The following SLC2A9 variants were observed in gnomAD, a reference collection of about 807,000 sequenced individuals.
SLC2A9 encodes the protein solute carrier family 2 member 9, also known as solute carrier family 2, facilitated glucose transporter member 9.
In SLC2A9, 39 loss-of-function variants were observed where a neutral mutation model predicts 50.6. The ratio of observed to expected loss-of-function variants is 0.77; its 90% CI spans 0.60 to 1.01. The LOEUF is 1.01. SLC2A9 is among the 50% of genes least tolerant of loss of function. SLC2A9 has a pLI of 0.00. For synonymous variants in SLC2A9, 324 were observed against 276.9 expected (o/e 1.17, Z -1.69); for missense variants, 686 against 677.6 (o/e 1.01, Z -0.14).
chr4:9,955,141 C>G (rs1425299227), intron 5 of SLC2A9, among the ~76,000 whole-genome samples: 3 of 152,086 alleles, frequency 2.0e-5, no homozygotes, highest in African/African-American at 7.2e-5. Context: ...GCAAACAGCC[C>G]AATCCAAGGG....
chr4:9,876,232 G>A (rs113786837), intron 10 of SLC2A9, among the ~76,000 whole-genome samples: 8 of 152,136 alleles, frequency 5.3e-5, no homozygotes, highest in East Asian at 1.9e-4. Context: ...ACTGTTGTTC[G>A]TCCCAAGGGG....
chr4:9,818,021 T>G (rs960829969), intron 3 of SLC2A9, among the ~76,000 whole-genome samples: 1 of 152,224 alleles, frequency 6.6e-6, no homozygotes, highest in Non-Finnish European at 1.5e-5. Context: ...TTACTTATAG[T>G]TTCCCAAACT....
At chr4:10,008,900 G>GGTTT (rs1553911924) in intron 2 of SLC2A9, among the ~76,000 whole-genome samples, 4 of 134,860 alleles carry the variant, frequency 3.0e-5, no homozygotes, top group African/African-American at 5.5e-5. Context: ...CTGTGCGGTG[G>GGTTT]TTTTTTTTTT....
intron 3 of SLC2A9, among the ~76,000 whole-genome samples, chr4:9,801,505 T>C (rs958518019): frequency 6.6e-6 from 1 of 152,198 alleles, no homozygotes; most frequent in African/African-American, 2.4e-5. Flanking sequence ...GAGAATGCAG[T>C]CAACACTGTA....
At chr4:9,862,353 T>C (rs1456671954) in intron 10 of SLC2A9, among the ~76,000 whole-genome samples, 1 of 152,082 alleles carries the variant, frequency 6.6e-6, no homozygotes, top group African/African-American at 2.4e-5. Context: ...CTTTGTCTTG[T>C]TGCTTCTTTC....
chr4:10,015,164 C>A (rs1352685009), intron 2 of SLC2A9, among the ~76,000 whole-genome samples: 1 of 152,146 alleles, frequency 6.6e-6, no homozygotes, highest in Non-Finnish European at 1.5e-5. Flanking sequence ...CTTGCTCTGT[C>A]TTTTGGTTGG....
intron 3 of SLC2A9, among the ~76,000 whole-genome samples, chr4:9,992,899 G>T (rs537316094): frequency 1.1e-3 from 170 of 152,256 alleles, no homozygotes; most frequent in Non-Finnish European, 1.9e-3. Flanking sequence ...CCTCAGGTGG[G>T]TTTGTTTATC....
chr4:9,835,814 C>T lies in SLC2A9; in HGVS notation c.1292-806G>A, dbSNP rs77233756. ...AGAATGATACAACTGGGGCCAGGCGCGGTGGCTCACACCTGTAATCCCAGC... is the reference window on the plus strand; with the variant it reads ...AGAATGATACAACTGGGGCCAGGCGTGGTGGCTCACACCTGTAATCCCAGC... On this transcript the variant is annotated intron_variant, in intron 10 of 11. Coordinates refer to ENST00000264784, the MANE Select transcript of SLC2A9 (RefSeq NM_020041.3). 3.8e-3 allele frequency among the ~76,000 whole-genome samples: 585 copies of T among 152,100 alleles called. 6 individuals carry two copies. The highest frequency in any genetic ancestry group is 0.014 in the African/African-American group (568 of 41,482).
intron 10 of SLC2A9, among the ~76,000 whole-genome samples, chr4:9,845,211 C>T (rs1186235179): frequency 6.6e-6 from 1 of 151,894 alleles, no homozygotes; most frequent in Non-Finnish European, 1.5e-5. Flanking sequence ...GATGGGGTTT[C>T]ACCGTGTTAG....
rs1330396080 is a variant in SLC2A9 at position 9,980,610 on chromosome 4, C to T, written c.663G>A (p.Leu221=). The T allele has an allele frequency of 1.2e-6, 2 of 1,614,194 alleles. No homozygotes were observed. Among genetic ancestry groups the T allele is most frequent in the Non-Finnish European group, 1.7e-6 (2 of 1,180,026 alleles). ...CACTCACCTTTCCCAGCAGCTCGGG[C>T]AGGCCCAGAAGCTGCCCAGTGAACA... The part of the protein sequence containing the change: ...IGVFTGQLLG[L]PELLGKESTW... The change falls in exon 5 of 12, where the codon CTG becomes CTA. Residue 221 remains leucine, a synonymous_variant. Transcript: ENST00000264784.
chr4:9,789,053 A>G (rs1719578490), intron 3 of SLC2A9, among the ~76,000 whole-genome samples: 1 of 152,222 alleles, frequency 6.6e-6, no homozygotes, highest in African/African-American at 2.4e-5. Context: ...ATGTGCATAT[A>G]CACATATCAG....
intron 10 of SLC2A9, among the ~76,000 whole-genome samples, chr4:9,847,556 C>A (rs1729184018): frequency 6.6e-6 from 1 of 152,244 alleles, no homozygotes; most frequent in South Asian, 2.1e-4. Flanking sequence ...GTCATTAATC[C>A]CCTCAGTGTT....
At chr4:9,844,178 A>AG (rs1728566139) in intron 10 of SLC2A9, among the ~76,000 whole-genome samples, 1 of 148,318 alleles carries the variant, frequency 6.7e-6, no homozygotes, top group Non-Finnish European at 1.5e-5. Flanking sequence ...AAAAAAAAAA[A>AG]AAGTCCTTCT....
chr4:9,997,711 G>T (rs10008035), intron 2 of SLC2A9, among the ~76,000 whole-genome samples: 35,121 of 151,062 alleles, frequency 0.23, 4,674 homozygotes, highest in African/African-American at 0.35. Flanking sequence ...AAAGAAAAGT[G>T]GGGGGGCACA....
intron 3 of SLC2A9, among the ~76,000 whole-genome samples, chr4:9,792,159 G>GTTTTTTTTTTTTTTT (rs1228816556): frequency 1.1e-5 from 1 of 94,602 alleles, no homozygotes; most frequent in African/African-American, 3.5e-5. Context: ...TCTATTCTAT[G>GTTTTTTTTTTTTTTT]TTTCTTTTTT....
rs112964589 is a variant in SLC2A9 at position 10,020,039 on chromosome 4, AGTGTGTGTGTGTGT to A, written c.151-980_151-967del. Among the ~76,000 whole-genome samples, 692 of 148,084 alleles carry A rather than the reference AGTGTGTGTGTGTGT, an allele frequency of 4.7e-3. 17 individuals carry two copies. The East Asian group carries it at 0.069, about 15-fold the overall frequency. ...TTTGCCATCATTTGACATATTTGTG[AGTGTGTGTGTGTGT>A]GTGTGTGTGTGTGTGTGTGTTGTAG... On this transcript the variant is annotated intron_variant, in intron 1 of 11. Transcript: ENST00000264784.
intron 6 of SLC2A9, among the ~76,000 whole-genome samples, chr4:9,940,599 C>T (rs943144286): frequency 6.6e-6 from 1 of 152,176 alleles, no homozygotes; most frequent in Non-Finnish European, 1.5e-5. Context: ...TCTCTATAAA[C>T]CAAAACCCAC....
chr4:9,946,706 GTGTGTTACAAATGTAACCT>G (rs754301639), intron 5 of SLC2A9, among the ~76,000 whole-genome samples: 20 of 152,198 alleles, frequency 1.3e-4, no homozygotes, highest in Non-Finnish European at 2.5e-4. Context: ...TCCCTGCTAA[GTGTGTTACAAATGTAACCT>G]TGTGTTACAT....
intron 3 of SLC2A9, chr4:9,783,665 T>G: frequency 1.7e-6 from 1 of 599,346 alleles, no homozygotes; most frequent in Non-Finnish European, 3.0e-6. Context: ...CTCAGTCAAA[T>G]GTACCCAGCC....
Sources: allele counts gnomAD v4.1 joint callset (sites outside exome capture counted in the v4.1 genomes callset), GRCh38; gene constraint gnomAD v4.1.1; transcripts MANE v1.5; gene names NCBI Gene and HGNC (gene_info 2026-07-23, HGNC 2026-07-21).